The following PRPF6 variants were observed in gnomAD, a reference collection of about 807,000 sequenced individuals.
PRPF6 encodes pre-mRNA-processing factor 6.
In PRPF6, 42 loss-of-function variants were observed where a neutral mutation model predicts 118.3. The ratio of observed to expected loss-of-function variants is 0.35; its 90% CI spans 0.28 to 0.46. The LOEUF is 0.46. Among genes scored for constraint, PRPF6 ranks in the 20% least tolerant of loss-of-function variants. PRPF6 has a pLI of 1.00. For synonymous variants in PRPF6, 481 were observed against 485.1 expected, an observed-to-expected ratio of 0.99 and a Z score of 0.11; for missense variants, 662 against 1,255.7, an observed-to-expected ratio of 0.53 and a Z score of 7.15.
chr20:63,990,765 C>T (rs372501895), intron 3 of PRPF6, among the ~76,000 whole-genome samples: 18 of 152,214 alleles, frequency 1.2e-4, no homozygotes, highest in African/African-American at 4.3e-4. Context: ...CTGCCTCAGC[C>T]TCCCAAGTGG....
chr20:64,032,930 C>T lies in PRPF6; in HGVS notation c.2763C>T (p.Asn921=). Residue 921 remains asparagine (N), a synonymous_variant, in exon 21 of 21, where the codon AAC becomes AAT. Transcript: ENST00000266079. ...LWCAVSKDIA[N]WQKKIGDILR... ...GCGCCGTGTCCAAGGACATCGCCAA[C>T]TGGCAGAAGAAGATCGGGGACATCC... 1 of 1,613,504 alleles carries T rather than the reference C, an allele frequency of 6.2e-7. No homozygotes were observed.
At chr20:63,993,242 G>A (rs183441389) in intron 3 of PRPF6, among the ~76,000 whole-genome samples, 165 bp from the exon 4 acceptor site, 1,356 of 134,732 alleles carry the variant, frequency 0.01, 25 homozygotes, top group South Asian at 0.068. Context: ...GTGTGTGTGT[G>A]TGTGTGTGTG....
chr20:64,008,843 T>C (rs2059201916), intron 9 of PRPF6, among the ~76,000 whole-genome samples: 1 of 152,220 alleles, frequency 6.6e-6, no homozygotes, highest in African/African-American at 2.4e-5. Context: ...TGGTATTTCA[T>C]GGGTTTGAAT....
At chr20:63,989,596 A>G (rs765459655) in intron 3 of PRPF6, among the ~76,000 whole-genome samples, 2 of 152,082 alleles carry the variant, frequency 1.3e-5, no homozygotes, top group South Asian at 2.1e-4. Flanking sequence ...GCTCACTGCA[A>G]CCTCTGCCTC....
chr20:63,997,821 T>C (rs2059147803), intron 6 of PRPF6, among the ~76,000 whole-genome samples: 1 of 151,856 alleles, frequency 6.6e-6, no homozygotes, highest in African/African-American at 2.4e-5. Flanking sequence ...GTGATCCACG[T>C]GGCTCGGCCT....
At chr20:64,013,214 C>G (rs2059222901) in intron 11 of PRPF6, among the ~76,000 whole-genome samples, 1 of 152,118 alleles carries the variant, frequency 6.6e-6, no homozygotes, top group African/African-American at 2.4e-5. Context: ...ACCTGCCCGC[C>G]TTGGTCTTCC....
At chr20:63,985,834 AG>A (rs1377183804) in intron 3 of PRPF6, among the ~76,000 whole-genome samples, 1 of 152,224 alleles carries the variant, frequency 6.6e-6, no homozygotes, top group Non-Finnish European at 1.5e-5. Context: ...TATTTGAAGA[AG>A]AACTAATACC....
In PRPF6 at chr20:63,981,326, G is replaced by C. The variant is rs1304944992; in HGVS notation, c.71+10G>C. ...CGGGGCTGGGCCGGGGGTGAGGCCT[G>C]GGGCGGCGCGCGAGGGGCGGGGACC... On this transcript the variant is annotated intron_variant, in intron 1 of 20. Coordinates refer to ENST00000266079, the MANE Select transcript of PRPF6 (RefSeq NM_012469.4). 3.2e-6 allele frequency: 5 copies of C among 1,574,182 alleles called. No individual in the cohort carries two copies. The highest frequency in any genetic ancestry group is 4.3e-6 in the Non-Finnish European group (5 of 1,159,576).
intron 1 of PRPF6, 23 bp from the exon 2 acceptor site, chr20:63,983,024 G>T: frequency 6.2e-7 from 1 of 1,612,784 alleles, no homozygotes; most frequent in Non-Finnish European, 8.5e-7. Context: ...TCAGACACCC[G>T]GTGTCTTGGG....
chr20:64,001,894 G>T (rs2059167822), intron 9 of PRPF6, among the ~76,000 whole-genome samples: 1 of 152,060 alleles, frequency 6.6e-6, no homozygotes, highest in African/African-American at 2.4e-5. Context: ...CCTGTCACTG[G>T]AAGTGTGTAG....
chr20:63,994,324 A>C (rs971413549), intron 4 of PRPF6, among the ~76,000 whole-genome samples: 1 of 151,600 alleles, frequency 6.6e-6, no homozygotes, highest in Non-Finnish European at 1.5e-5. Context: ...TGCCCGGCTA[A>C]TTTTGTATTT....
Position 64,000,491 on chromosome 20 carries a change from C to G in PRPF6, c.1024-586C>G, listed in dbSNP as rs2059161757. On this transcript the variant is annotated intron_variant, in intron 8 of 20. Coordinates refer to ENST00000266079, the MANE Select transcript of PRPF6 (RefSeq NM_012469.4). ...AAAAAAAACAACAAAAAAGAACGAC[C>G]CGAGCAGATGTGCAGTCTCTGCTTT... Among the ~76,000 whole-genome samples the G allele has an allele frequency of 2.6e-5, 4 of 150,948 alleles. No homozygotes were observed. The South Asian group carries it at 8.3e-4, about 31-fold the overall frequency.
chr20:63,991,218 G>A (rs2059116933), intron 3 of PRPF6, among the ~76,000 whole-genome samples: 1 of 151,960 alleles, frequency 6.6e-6, no homozygotes, highest in Non-Finnish European at 1.5e-5. Flanking sequence ...GAGTCTAGGA[G>A]TTCGAGACCA....
At chr20:64,003,237 C>T (rs2059175658) in intron 9 of PRPF6, among the ~76,000 whole-genome samples, 1 of 152,224 alleles carries the variant, frequency 6.6e-6, no homozygotes. Context: ...CCGTCGCATC[C>T]AGCCTATTCT....
intron 9 of PRPF6, among the ~76,000 whole-genome samples, chr20:64,002,300 C>T (rs2059170939): frequency 6.7e-6 from 1 of 149,452 alleles, no homozygotes; most frequent in Non-Finnish European, 1.5e-5. Flanking sequence ...GGATTCCAGG[C>T]GTGAGCCACT....
At chr20:63,991,423 A>C (rs62218086) in intron 3 of PRPF6, among the ~76,000 whole-genome samples, 2,137 of 152,226 alleles carry the variant, frequency 0.014, 26 homozygotes, top group Non-Finnish European at 0.021. Context: ...CCGTGTCTCT[A>C]AAACAAAAAC....
chr20:63,988,332 A>C (rs943420556), intron 3 of PRPF6, among the ~76,000 whole-genome samples: 3 of 151,118 alleles, frequency 2.0e-5, no homozygotes, highest in Non-Finnish European at 4.4e-5. Flanking sequence ...AAAAAAAAAA[A>C]ACCAAAAAAC....
intron 8 of PRPF6, among the ~76,000 whole-genome samples, chr20:64,000,528 T>A (rs2059161979): frequency 6.6e-6 from 1 of 151,214 alleles, no homozygotes; most frequent in Admixed American, 6.6e-5. Context: ...TCCATGGAGT[T>A]GTCCTGAAGG....
chr20:64,017,631 G>A (rs910952809), intron 12 of PRPF6, among the ~76,000 whole-genome samples: 2 of 152,048 alleles, frequency 1.3e-5, no homozygotes, highest in South Asian at 2.1e-4. Context: ...GAGCCGCCGC[G>A]CCCGGCCTCC....
Sources: gnomAD v4.1 joint callset for allele counts (sites outside exome capture counted in the v4.1 genomes callset) on GRCh38, gnomAD v4.1.1 for gene constraint, MANE v1.5 for transcripts, NCBI Gene and HGNC (gene_info 2026-07-23, HGNC 2026-07-21) for gene names.